The following STRN variants were observed in gnomAD, a reference collection of about 807,000 sequenced individuals.
The protein encoded by STRN is striatin.
A neutral mutation model predicts 96.3 loss-of-function variants in STRN; 53 were observed. The ratio of observed to expected loss-of-function variants is 0.55; its 90% confidence interval spans 0.44 to 0.69. The LOEUF is 0.69. Among genes scored for constraint, STRN ranks in the 30% least tolerant of loss-of-function variants. The pLI is 0.00. For missense variants in STRN, 987 were observed against 963.9 expected (o/e 1.02, Z -0.32); for synonymous variants, 428 against 355.9 (o/e 1.20, Z -2.28).
chr2:36,929,202 T>A (rs1480665726), intron 1 of STRN, among the ~76,000 whole-genome samples: 3 of 152,220 alleles, frequency 2.0e-5, no homozygotes, highest in African/African-American at 7.2e-5. Flanking sequence ...GACATTTTAC[T>A]ATTTAAGTCT....
chr2:36,962,911 G>C (rs144143634), intron 1 of STRN, among the ~76,000 whole-genome samples: 1 of 152,134 alleles, frequency 6.6e-6, no homozygotes, highest in African/African-American at 2.4e-5. Flanking sequence ...ATGTTTCTTT[G>C]AGGTCATCTA....
chr2:36,884,866 T>C (rs1164411798), intron 8 of STRN, among the ~76,000 whole-genome samples: 2 of 152,170 alleles, frequency 1.3e-5, no homozygotes, highest in African/African-American at 4.8e-5. Flanking sequence ...CAATGCTTTA[T>C]ATATCAATTC....
At chr2:36,948,548 G>A (rs1051163134) in intron 1 of STRN, among the ~76,000 whole-genome samples, 2 of 152,140 alleles carry the variant, frequency 1.3e-5, no homozygotes, top group East Asian at 1.9e-4. Flanking sequence ...TACCGTGATA[G>A]GTGTTGGAGA....
intron 15 of STRN, among the ~76,000 whole-genome samples, chr2:36,852,051 G>C (rs959110871): frequency 2.0e-5 from 3 of 152,098 alleles, no homozygotes; most frequent in African/African-American, 4.8e-5. Context: ...TTCAGAAAAA[G>C]TTGTGACTCC....
chr2:36,939,768 TG>T (rs1245240557), intron 1 of STRN, among the ~76,000 whole-genome samples: 4 of 152,144 alleles, frequency 2.6e-5, no homozygotes, highest in African/African-American at 9.7e-5. Context: ...AAGCATTTGC[TG>T]AACAGAATAA....
At chr2:36,956,011 T>C (rs1664878516) in intron 1 of STRN, among the ~76,000 whole-genome samples, 1 of 152,212 alleles carries the variant, frequency 6.6e-6, no homozygotes, top group Non-Finnish European at 1.5e-5. Context: ...AGGTCAGGTA[T>C]GGATTTTTCC....
chr2:36,862,140 A>G (rs1203200948), intron 12 of STRN, among the ~76,000 whole-genome samples: 3 of 152,142 alleles, frequency 2.0e-5, no homozygotes, highest in African/African-American at 7.2e-5. Context: ...GTGTCTATGT[A>G]CCACATTTTC....
chr2:36,902,738 C>T lies in STRN; in HGVS notation c.505G>A (p.Val169Met). The T allele has an allele frequency of 6.2e-7, 1 of 1,605,838 alleles. No homozygotes were observed. The highest frequency in any genetic ancestry group is 1.3e-5 in the African/African-American group (1 of 74,894). The change falls in exon 5 of 18, where the codon GTG becomes ATG. Residue 169 changes from valine to methionine, a missense_variant. By Grantham distance (21) the Val-to-Met change is conservative. Transcript: ENST00000263918. ...TCTAGAATAGTATCTGTATAACCCA[C>T]CTCCTGTAGATACCTGTGTGAAGAG... ...RQLLRQYLQE[V>M]GYTDTILDVK...
At position 36,933,118 on chromosome 2, in the gene STRN, G is replaced by C. The variant is rs375281717; in HGVS notation, c.235-7910C>G. 5.3e-4 allele frequency among the ~76,000 whole-genome samples: 81 copies of C among 151,450 alleles called. 1 individual carries two copies. The highest frequency in any genetic ancestry group is 6.8e-3 in the Middle Eastern group (2 of 294). ...TGCAGTTAGCCCTTCATATCCATGA[G>C]TTCTACACCTGCAGATTCAGTCAAC... On this transcript the variant is annotated intron_variant, in intron 1 of 17. Coordinates refer to ENST00000263918, the MANE Select transcript of STRN (RefSeq NM_003162.4).
At position 36,837,912 on chromosome 2, in the gene STRN, T is replaced by C. The variant is rs889503111; in HGVS notation, c.*11544A>G. 1.1e-4 allele frequency among the ~76,000 whole-genome samples: 17 copies of C among 152,170 alleles called. No homozygotes were observed. Among genetic ancestry groups the C allele is most frequent in the African/African-American group, 3.9e-4 (16 of 41,438 alleles). Reference sequence around the variant, plus strand: ...AATAAGAAAAATTTAAAAATGTATATAAAAGTATAACTACGAATATTTGTG... The same window carrying C: ...AATAAGAAAAATTTAAAAATGTATACAAAAGTATAACTACGAATATTTGTG... On this transcript the variant is annotated 3_prime_UTR_variant, in exon 18 of 18. Coordinates refer to ENST00000263918, the MANE Select transcript of STRN (RefSeq NM_003162.4).
Position 36,843,347 on chromosome 2 carries a change from A to G in STRN, c.*6109T>C, listed in dbSNP as rs561327985. 2.3e-3 allele frequency among the ~76,000 whole-genome samples: 355 copies of G among 152,296 alleles called. 1 individual carries two copies. The highest frequency in any genetic ancestry group is 4.2e-3 in the Non-Finnish European group (286 of 68,020). ...GGGCAGGCCAAAGGCCTTGAAAAAT[A>G]ATGTTGATTTGAAGGGGCAGGGAGT... is the stretch of plus-strand genomic sequence containing the variant. On this transcript the variant is annotated 3_prime_UTR_variant, in exon 18 of 18. Transcript: ENST00000263918.
intron 1 of STRN, 135 bp downstream of exon 1, chr2:36,966,095 G>C: frequency 9.6e-7 from 1 of 1,040,232 alleles, no homozygotes; most frequent in Non-Finnish European, 1.3e-6. Context: ...GAAGGGGACG[G>C]GGCTCCGGGT....
intron 7 of STRN, among the ~76,000 whole-genome samples, chr2:36,888,635 TTATA>T (rs1351875218): frequency 1.2e-5 from 1 of 85,378 alleles, no homozygotes; most frequent in African/African-American, 3.8e-5. Flanking sequence ...GGTTTTTAAT[TTATA>T]TGTGTGTGTG....
At chr2:36,937,939 G>C (rs200883540) in intron 1 of STRN, among the ~76,000 whole-genome samples, 3 of 152,120 alleles carry the variant, frequency 2.0e-5, no homozygotes, top group African/African-American at 7.2e-5. Context: ...GGGAAAAAAG[G>C]CAAAGAAACA....
At chr2:36,959,890 G>C (rs763728934) in intron 1 of STRN, among the ~76,000 whole-genome samples, 1 of 152,202 alleles carries the variant, frequency 6.6e-6, no homozygotes, top group Non-Finnish European at 1.5e-5. Context: ...ATCTGGGGTA[G>C]AGTCCAGGGA....
intron 1 of STRN, among the ~76,000 whole-genome samples, chr2:36,927,524 A>AGGGGGGGG (rs3080759): frequency 3.8e-5 from 3 of 79,562 alleles, no homozygotes; most frequent in Admixed American, 1.6e-4. Flanking sequence ...AACAAAAAAA[A>AGGGGGGGG]GGGGGGGGGG....
chr2:36,945,639 C>T (rs888824623), intron 1 of STRN, among the ~76,000 whole-genome samples: 3 of 151,550 alleles, frequency 2.0e-5, no homozygotes, highest in African/African-American at 4.9e-5. Context: ...CACTCCAGCC[C>T]GGGCGACAGT....
intron 7 of STRN, among the ~76,000 whole-genome samples, chr2:36,887,485 A>G (rs1452005957): frequency 6.6e-6 from 1 of 151,716 alleles, no homozygotes; most frequent in African/African-American, 2.4e-5. Flanking sequence ...AAAAACAAAA[A>G]ACAAAAAACA....
rs1668062556 is a variant in STRN at position 36,845,943 on chromosome 2, A to ACACG, written c.*3512_*3513insCGTG. Reference sequence around the variant, plus strand: ...CACACACACACACACACACACACACACACACACACTAACTCTCTCTCTCTC... The same window carrying ACACG: ...CACACACACACACACACACACACACACACGCACACACACTAACTCTCTCTCTCTC... On this transcript the variant is annotated 3_prime_UTR_variant, in exon 18 of 18. Coordinates refer to ENST00000263918, the MANE Select transcript of STRN (RefSeq NM_003162.4). 2 of 114,992 alleles carry ACACG rather than the reference A, an allele frequency of 1.7e-5. No individual in the cohort carries two copies. The highest frequency in any genetic ancestry group is 8.6e-5 in the Admixed American group (1 of 11,678). The allele number at this position is 114,992 out of a possible 1,614,324, so 7.1% of individuals were successfully genotyped here.
Sources: allele counts gnomAD v4.1 joint callset (sites outside exome capture counted in the v4.1 genomes callset), GRCh38; gene constraint gnomAD v4.1.1; transcripts MANE v1.5; gene names NCBI Gene and HGNC (gene_info 2026-07-23, HGNC 2026-07-21).